CSMD1: variants seen among roughly 807,000 people sequenced by gnomAD.
CSMD1 encodes CUB and Sushi multiple domains 1.
In CSMD1, 213 loss-of-function variants were observed where a neutral mutation model predicts 417.5. The observed-to-expected ratio is 0.51, with a 90% CI of 0.46 to 0.57. The LOEUF (loss-of-function observed/expected upper bound fraction) is 0.57, where lower values mean the gene tolerates loss of function less well. CSMD1 is among the 20% of genes least tolerant of loss of function. CSMD1 has a pLI of 0.00. For missense variants in CSMD1, 6,923 were observed against 4,529.7 expected (o/e 1.53, Z -15.17); for synonymous variants, 2,862 against 1,736.8 (o/e 1.65, Z -16.11).
rs552400373 is a variant in CSMD1 at position 4,462,774 on chromosome 8, T to TATCC, written c.303-42713_303-42710dup. ...AATAAATGGTGCTCAGACAACTGAG[T>TATCC]ATCCACAAGAGGGTACCCCTTCCTT... On this transcript the variant is annotated intron_variant, in intron 2 of 69. Coordinates refer to ENST00000635120, the MANE Select transcript of CSMD1 (RefSeq NM_033225.6). Among the ~76,000 whole-genome samples the TATCC allele has an allele frequency of 1.9e-3, 291 of 150,238 alleles. 2 individuals are homozygous for TATCC. Among genetic ancestry groups the TATCC allele is most frequent in the African/African-American group, 5.6e-3 (223 of 39,580 alleles).
intron 54 of CSMD1, among the ~76,000 whole-genome samples, chr8:2,989,585 G>A (rs1279693560): frequency 6.6e-6 from 1 of 152,186 alleles, no homozygotes; most frequent in East Asian, 1.9e-4. Context: ...ATCCTGAAGA[G>A]TTTAAAATGC....
At chr8:3,917,008 C>T (rs576962452) in intron 5 of CSMD1, among the ~76,000 whole-genome samples, 3 of 152,154 alleles carry the variant, frequency 2.0e-5, no homozygotes, top group Non-Finnish European at 4.4e-5. Context: ...CCCTATGAAG[C>T]ATTGTTGATA....
At chr8:2,941,983 C>T (rs1407755603) in intron 69 of CSMD1, among the ~76,000 whole-genome samples, 1 of 152,136 alleles carries the variant, frequency 6.6e-6, no homozygotes. Context: ...TCAACTCAGT[C>T]ATTTATTCTC....
chr8:4,622,809 G>A (rs1476568694), intron 2 of CSMD1, among the ~76,000 whole-genome samples: 2 of 152,114 alleles, frequency 1.3e-5, no homozygotes, highest in African/African-American at 4.8e-5. Context: ...AGGCACAAAA[G>A]GGAAAGTTGA....
At chr8:3,405,576 G>A (rs966917257) in intron 15 of CSMD1, among the ~76,000 whole-genome samples, 3 of 151,358 alleles carry the variant, frequency 2.0e-5, no homozygotes, top group African/African-American at 4.9e-5. Context: ...TTGGGTACTT[G>A]CAGATGAATT....
At chr8:3,604,069 A>G (rs917672970) in intron 8 of CSMD1, among the ~76,000 whole-genome samples, 1 of 152,240 alleles carries the variant, frequency 6.6e-6, no homozygotes, top group Non-Finnish European at 1.5e-5. Context: ...TAAATAACTT[A>G]GTGAATAATG....
At chr8:4,178,558 A>T (rs1007951017) in intron 3 of CSMD1, among the ~76,000 whole-genome samples, 2 of 151,266 alleles carry the variant, frequency 1.3e-5, no homozygotes, top group African/African-American at 4.9e-5. Flanking sequence ...CCTATTCAAC[A>T]TAGTGTTGGA....
At chr8:3,939,153 C>T (rs925399206) in intron 5 of CSMD1, among the ~76,000 whole-genome samples, 1 of 152,042 alleles carries the variant, frequency 6.6e-6, no homozygotes, top group Non-Finnish European at 1.5e-5. Flanking sequence ...GGAGAATAAA[C>T]CAATCTAACA....
At chr8:4,243,050 C>T (rs549999149) in intron 3 of CSMD1, among the ~76,000 whole-genome samples, 3 of 152,108 alleles carry the variant, frequency 2.0e-5, no homozygotes, top group South Asian at 2.1e-4. Flanking sequence ...TCTGAGTACA[C>T]GGGTCAGGGG....
chr8:3,139,765 G>T (rs1031301590), intron 41 of CSMD1, among the ~76,000 whole-genome samples: 1 of 152,038 alleles, frequency 6.6e-6, no homozygotes, highest in Non-Finnish European at 1.5e-5. Flanking sequence ...TGCTATTGGG[G>T]AAAATTTCAT....
At chr8:4,242,934 C>T (rs1802488529) in intron 3 of CSMD1, among the ~76,000 whole-genome samples, 1 of 152,072 alleles carries the variant, frequency 6.6e-6, no homozygotes, top group East Asian at 1.9e-4. Flanking sequence ...AAAAAAAGAT[C>T]AATATATAAC....
At chr8:4,453,112 G>A (rs540462660) in intron 2 of CSMD1, among the ~76,000 whole-genome samples, 5 of 151,836 alleles carry the variant, frequency 3.3e-5, no homozygotes, top group Admixed American at 6.6e-5. Flanking sequence ...CCAATGATTC[G>A]GAATTCCTTG....
chr8:3,270,289 C>T (rs531278717), intron 26 of CSMD1, among the ~76,000 whole-genome samples: 23 of 152,112 alleles, frequency 1.5e-4, no homozygotes, highest in African/African-American at 5.1e-4. Context: ...AACTCCTGAC[C>T]TTGTGATCCG....
rs756591507 is a variant in CSMD1 at position 2,965,811 on chromosome 8, C to A, written c.9244G>T (p.Asp3082Tyr). The A allele has an allele frequency of 6.2e-7, 1 of 1,610,500 alleles. No individual in the cohort carries two copies. The highest frequency in any genetic ancestry group is 8.5e-7 in the Non-Finnish European group (1 of 1,178,366). ...VTSATIRCTK[D>Y]GRWNPSKPVC... ...GGTTTGCTCGGATTCCACCTGCCGT[C>A]TTTGGTACAGCGAATAGTGGCGGAT... Residue 3082 changes from aspartate (D) to tyrosine (Y), a missense_variant, in exon 59 of 70, where the codon GAC (aspartate) becomes TAC (tyrosine). Physicochemically the swap from Asp to Tyr is radical, Grantham distance 160. Coordinates refer to ENST00000635120, the MANE Select transcript of CSMD1 (RefSeq NM_033225.6).
intron 1 of CSMD1, among the ~76,000 whole-genome samples, chr8:4,795,422 G>C (rs1423531511): frequency 6.6e-6 from 1 of 151,272 alleles, no homozygotes; most frequent in South Asian, 2.1e-4. Context: ...CAGGTACCCA[G>C]CACCACGCCA....
intron 20 of CSMD1, among the ~76,000 whole-genome samples, chr8:3,366,398 A>G (rs1809569069): frequency 6.6e-6 from 1 of 152,182 alleles, no homozygotes; most frequent in Non-Finnish European, 1.5e-5. Flanking sequence ...AAAAATTAGC[A>G]TCTCTGTCAT....
At chr8:4,442,943 A>G (rs1286035407) in intron 2 of CSMD1, among the ~76,000 whole-genome samples, 2 of 152,160 alleles carry the variant, frequency 1.3e-5, no homozygotes, top group Non-Finnish European at 1.5e-5. Flanking sequence ...CCTCAACGTA[A>G]TGTATCTACA....
intron 49 of CSMD1, among the ~76,000 whole-genome samples, chr8:3,071,229 A>C (rs1813303759): frequency 6.6e-6 from 1 of 152,238 alleles, no homozygotes; most frequent in Non-Finnish European, 1.5e-5. Flanking sequence ...AGGGACAAAT[A>C]TCCAAAATAT....
intron 3 of CSMD1, among the ~76,000 whole-genome samples, chr8:4,152,718 T>C (rs760344696): frequency 2.0e-5 from 3 of 151,800 alleles, no homozygotes; most frequent in East Asian, 1.9e-4. Flanking sequence ...CCTTTACATA[T>C]ACACACACAC....
Sources: gnomAD v4.1 joint callset for allele counts (sites outside exome capture counted in the v4.1 genomes callset) on GRCh38, gnomAD v4.1.1 for gene constraint, MANE v1.5 for transcripts, NCBI Gene and HGNC (gene_info 2026-07-23, HGNC 2026-07-21) for gene names.